The following PLCG2 variants were observed in gnomAD, a reference collection of about 807,000 sequenced individuals.
The protein encoded by PLCG2 is phospholipase C gamma 2, also known as 1-phosphatidylinositol 4,5-bisphosphate phosphodiesterase gamma-2.
Under a neutral mutation model 175.6 loss-of-function variants are expected in PLCG2, and 69 were observed. The ratio of observed to expected loss-of-function variants is 0.39; its 90% CI spans 0.32 to 0.48. The LOEUF (loss-of-function observed/expected upper bound fraction) is 0.48, where lower values mean the gene tolerates loss of function less well. PLCG2 is among the 20% of genes least tolerant of loss of function. The probability of loss-of-function intolerance (pLI) is 0.91; values close to 1 mark genes in which losing one functional copy is unlikely to be tolerated. For synonymous variants in PLCG2, 827 were observed against 624.0 expected, an observed-to-expected ratio of 1.33 and a Z score of -4.85; for missense variants, 1,798 against 1,650.9, an observed-to-expected ratio of 1.09 and a Z score of -1.54.
intron 1 of PLCG2, among the ~76,000 whole-genome samples, chr16:81,785,137 G>A (rs1264917348): frequency 1.3e-5 from 2 of 152,250 alleles, no homozygotes; most frequent in South Asian, 4.1e-4. Context: ...GGAAGTGGTC[G>A]TGAGAGAGTC....
chr16:81,929,395 TTTA>T (rs912092786), intron 24 of PLCG2, among the ~76,000 whole-genome samples: 12 of 152,282 alleles, frequency 7.9e-5, no homozygotes, highest in Admixed American at 6.5e-4. Flanking sequence ...CATTCATTCA[TTTA>T]TTATTATTTC....
intron 29 of PLCG2, among the ~76,000 whole-genome samples, 188 bp from the exon 30 acceptor site, chr16:81,939,704 G>C (rs927295579): frequency 6.6e-6 from 1 of 152,248 alleles, no homozygotes; most frequent in East Asian, 1.9e-4. Context: ...TGCAACAGCA[G>C]CTTCCAGGAT....
chr16:81,907,409 AAAG>A (rs1388751398), intron 15 of PLCG2, among the ~76,000 whole-genome samples: 1 of 152,224 alleles, frequency 6.6e-6, no homozygotes, highest in African/African-American at 2.4e-5. Context: ...ATGGAATAGA[AAAG>A]AAAATGATGA....
At chr16:81,778,032 CAAAAAAAAAACA>C (rs1299172843), upstream of PLCG2, among the ~76,000 whole-genome samples, 60 of 58,674 alleles carry the variant, frequency 1.0e-3, 1 homozygote, top group African/African-American at 1.4e-3. Flanking sequence ...AAAAAAAAAA[CAAAAAAAAAACA>C]AAAAAAAAAA....
intron 14 of PLCG2, among the ~76,000 whole-genome samples, chr16:81,901,335 C>T (rs1909142398): frequency 6.6e-6 from 1 of 152,172 alleles, no homozygotes; most frequent in South Asian, 2.1e-4. Context: ...GCCATGGTAA[C>T]ATTTGGATTT....
In PLCG2 at chr16:81,946,096, C is replaced by T. The variant is rs951451694; in HGVS notation, c.3482-79C>T. On this transcript the variant is annotated intron_variant, in intron 30 of 32. Coordinates refer to ENST00000564138, the MANE Select transcript of PLCG2 (RefSeq NM_002661.5). Reference sequence around the variant, plus strand: ...CTACCCTTTGAACTAGGCCTATGATCCCGAGGTAGCCTCCAAAAAAAATCT... The same window carrying T: ...CTACCCTTTGAACTAGGCCTATGATTCCGAGGTAGCCTCCAAAAAAAATCT... The T allele has an allele frequency of 5.7e-6, 6 of 1,060,622 alleles. No homozygotes were observed. In the Admixed American group the frequency reaches 1.0e-4, roughly 18 times the overall value. 65.7% of individuals were successfully genotyped at this position (1,060,622 alleles called of 1,614,324 possible). A position where few individuals can be genotyped will look rare whatever the true frequency, so the allele number is the denominator to read the frequency against.
At chr16:81,936,703 G>A (rs1910729253) in intron 27 of PLCG2, among the ~76,000 whole-genome samples, 1 of 152,210 alleles carries the variant, frequency 6.6e-6, no homozygotes, top group Non-Finnish European at 1.5e-5. Flanking sequence ...GCCTGTTGCT[G>A]TGTGAGGGCT....
chr16:81,754,034 C>T (rs953359987), intron 1 of PLCG2, among the ~76,000 whole-genome samples: 5 of 152,170 alleles, frequency 3.3e-5, no homozygotes, highest in African/African-American at 7.2e-5. Context: ...GGCCCACCCC[C>T]GGGGAGAAGA....
chr16:81,825,150 A>G (rs1203003459), intron 2 of PLCG2, among the ~76,000 whole-genome samples: 1 of 152,218 alleles, frequency 6.6e-6, no homozygotes, highest in African/African-American at 2.4e-5. Context: ...CATAATTGCA[A>G]GATGGTAAAT....
chr16:81,750,843 T>C (rs1909797584), intron 1 of PLCG2, among the ~76,000 whole-genome samples: 1 of 151,158 alleles, frequency 6.6e-6, no homozygotes, highest in South Asian at 2.1e-4. Context: ...CTGGCTAATT[T>C]TTTGTATTTT....
At position 81,938,814 on chromosome 16, in the gene PLCG2, G is replaced by T; in HGVS notation, c.3212G>T (p.Arg1071Leu). The T allele has an allele frequency of 6.2e-7, 1 of 1,610,444 alleles. No homozygotes were observed. Among genetic ancestry groups the T allele is most frequent in the Non-Finnish European group, 8.5e-7 (1 of 1,177,802 alleles). The change falls in exon 29 of 33, where the codon CGC becomes CTC. Residue 1071 changes from arginine to leucine, a missense_variant. Transcript: ENST00000564138. Reference protein sequence around the residue: ...MTLTVKVLGARHLPKLGRSIA... With the variant: ...MTLTVKVLGALHLPKLGRSIA... ...TTGGTGTCCCAGGTTCTCGGTGCTCGCCATCTCCCCAAACTTGGACGAAGT... is the reference window on the plus strand; with the variant it reads ...TTGGTGTCCCAGGTTCTCGGTGCTCTCCATCTCCCCAAACTTGGACGAAGT...
Position 81,740,755 on chromosome 16 carries a change from A to C in PLCG2, c.-145+1370A>C, listed in dbSNP as rs1168996937. The stretch of plus-strand genomic sequence containing the variant: ...AAAAAAAAAAAAAAAAAAAAAAAAA[A>C]AAAAACCGAAACCAAACCAAAACAC... On this transcript the variant is annotated intron_variant, in intron 1 of 5. Transcript: ENST00000565054. 2.4e-4 allele frequency among the ~76,000 whole-genome samples: 36 copies of C among 149,272 alleles called. No homozygotes were observed. The South Asian group carries it at 7.1e-3, about 29-fold the overall frequency.
At chr16:81,844,794 A>G (rs555731857) in intron 2 of PLCG2, among the ~76,000 whole-genome samples, 1 of 152,376 alleles carries the variant, frequency 6.6e-6, no homozygotes, top group Admixed American at 6.5e-5. Flanking sequence ...ACATGTACAC[A>G]TGGCCATGTA....
intron 6 of PLCG2, among the ~76,000 whole-genome samples, chr16:81,869,790 G>A (rs1014211362): frequency 2.4e-4 from 37 of 152,084 alleles, no homozygotes; most frequent in African/African-American, 8.7e-4. Flanking sequence ...ATTTTGTTGT[G>A]TAATCAAGTT....
At chr16:81,880,738 C>T (rs1908037438) in intron 7 of PLCG2, among the ~76,000 whole-genome samples, 172 bp from the exon 8 acceptor site, 2 of 152,156 alleles carry the variant, frequency 1.3e-5, no homozygotes, top group South Asian at 2.1e-4. Context: ...CCTTTTGCTT[C>T]TTAAGTTTCT....
chr16:81,931,503 C>T lies in PLCG2; in HGVS notation c.2588C>T (p.Ala863Val), dbSNP rs766006428. 6.2e-7 allele frequency: 1 copy of T among 1,613,814 alleles called. No individual in the cohort carries two copies. Residue 863 changes from alanine (A) to valine (V), a missense_variant, in exon 25 of 33, where the codon GCC becomes GTC. Coordinates refer to ENST00000564138, the MANE Select transcript of PLCG2 (RefSeq NM_002661.5). ...CTTATTCTCTTACCCCAAGTGAAAG[C>T]CCCTCAGGGAAAAAACCAGAAGTCC... ...LDLNTYNVVKAPQGKNQKSFV... is the reference protein window; with the variant it reads ...LDLNTYNVVKVPQGKNQKSFV...
At chr16:81,781,028 G>GACAGACAAACAA in intron 1 of PLCG2, among the ~76,000 whole-genome samples, 1 of 150,736 alleles carries the variant, frequency 6.6e-6, no homozygotes, top group East Asian at 2.0e-4. Flanking sequence ...TCCATCTCAA[G>GACAGACAAACAA]ACAAACAAAC....
chr16:81,812,338 C>T (rs112030485), intron 2 of PLCG2, among the ~76,000 whole-genome samples: 31,444 of 151,980 alleles, frequency 0.21, 3,591 homozygotes, highest in Non-Finnish European at 0.27. Context: ...CGTGAGCCAC[C>T]GCACCCGGCC....
At chr16:81,793,656 C>T (rs1294214530) in intron 2 of PLCG2, among the ~76,000 whole-genome samples, 2 of 152,186 alleles carry the variant, frequency 1.3e-5, no homozygotes, top group African/African-American at 4.8e-5. Flanking sequence ...GTATTAGGTT[C>T]TTGGGGTTCC....
Sources: allele counts gnomAD v4.1 joint callset (sites outside exome capture counted in the v4.1 genomes callset), GRCh38; gene constraint gnomAD v4.1.1; transcripts MANE v1.5; gene names NCBI Gene and HGNC (gene_info 2026-07-23, HGNC 2026-07-21).